Variants in STX18 observed in about 807,000 individuals in gnomAD.
STX18 encodes the protein syntaxin 18.
STX18 carries 40 observed loss-of-function variants against 50.1 expected under a neutral mutation model. That is an observed-to-expected ratio of 0.80 (90% CI 0.62 to 1.04). The LOEUF (loss-of-function observed/expected upper bound fraction) is 1.04. Among genes scored for constraint, STX18 ranks in the 50% least tolerant of loss-of-function variants. The probability of loss-of-function intolerance (pLI) is 0.00; values close to 1 mark genes in which losing one functional copy is unlikely to be tolerated. For missense variants in STX18, 410 were observed against 415.8 expected (o/e 0.99, Z 0.12); for synonymous variants, 158 against 151.8 (o/e 1.04, Z -0.30).
At chr4:4,506,296 T>C (rs1296420984) in intron 1 of STX18, among the ~76,000 whole-genome samples, 1 of 152,242 alleles carries the variant, frequency 6.6e-6, no homozygotes, top group Admixed American at 6.5e-5. Flanking sequence ...ACAACACAAA[T>C]GTCCTTCAAC....
intron 5 of STX18, among the ~76,000 whole-genome samples, chr4:4,445,277 G>GCGCCTGTAATCCCAGCTACTC (rs1726330707): frequency 6.6e-6 from 1 of 151,948 alleles, no homozygotes; most frequent in Non-Finnish European, 1.5e-5. Context: ...ATGGTGGTGG[G>GCGCCTGTAATCCCAGCTACTC]CGCCTGTAAT....
At chr4:4,500,290 T>C (rs562875465) in intron 1 of STX18, among the ~76,000 whole-genome samples, 2 of 152,320 alleles carry the variant, frequency 1.3e-5, no homozygotes, top group Non-Finnish European at 2.9e-5. Context: ...TATCCATGGG[T>C]TCCACACCCA....
At chr4:4,485,687 G>A (rs1212758233) in intron 1 of STX18, among the ~76,000 whole-genome samples, 2 of 152,160 alleles carry the variant, frequency 1.3e-5, no homozygotes, top group Non-Finnish European at 2.9e-5. Context: ...CACGCTGGGT[G>A]GACGGCAGGC....
chr4:4,515,633 CA>C (rs752478091), intron 1 of STX18, among the ~76,000 whole-genome samples: 1 of 152,106 alleles, frequency 6.6e-6, no homozygotes. Context: ...AGACATCTGA[CA>C]AAAGAGAGAC....
chr4:4,459,237 A>T (rs1727249525), intron 3 of STX18, 135 bp downstream of exon 3: 1 of 664,742 alleles, frequency 1.5e-6, no homozygotes, highest in Non-Finnish European at 2.6e-6. Flanking sequence ...ATTGATCAAG[A>T]AAGAAAAGAT....
intron 1 of STX18, among the ~76,000 whole-genome samples, chr4:4,472,532 G>A (rs940086839): frequency 5.9e-5 from 9 of 152,148 alleles, no homozygotes; most frequent in African/African-American, 1.7e-4. Flanking sequence ...CAAGGTCTGC[G>A]GAACTTTCAT....
At chr4:4,487,724 G>A (rs1728760807) in intron 1 of STX18, among the ~76,000 whole-genome samples, 1 of 152,162 alleles carries the variant, frequency 6.6e-6, no homozygotes, top group African/African-American at 2.4e-5. Flanking sequence ...TTTGCTAAAT[G>A]TCAGAAAATA....
intron 7 of STX18, among the ~76,000 whole-genome samples, chr4:4,427,710 A>G (rs920225929): frequency 2.0e-5 from 3 of 152,188 alleles, no homozygotes; most frequent in Admixed American, 6.5e-5. Flanking sequence ...TTCCTCCCCA[A>G]TTTGAGGGCC....
At chr4:4,492,751 C>G (rs1577371635) in intron 1 of STX18, among the ~76,000 whole-genome samples, 1 of 152,130 alleles carries the variant, frequency 6.6e-6, no homozygotes, top group South Asian at 2.1e-4. Flanking sequence ...AGAAACCAGT[C>G]GAGGATGTCT....
chr4:4,456,332 G>C (rs943788213), intron 5 of STX18, among the ~76,000 whole-genome samples: 5 of 152,236 alleles, frequency 3.3e-5, no homozygotes, highest in African/African-American at 1.2e-4. Context: ...TCTTCTGAAA[G>C]AACATCCTAA....
intron 1 of STX18, among the ~76,000 whole-genome samples, chr4:4,501,015 CCAACA>C (rs1729430833): frequency 6.6e-6 from 1 of 151,962 alleles, no homozygotes; most frequent in Non-Finnish European, 1.5e-5. Context: ...CCAGCTGGGG[CCAACA>C]ACAGCAAGAC....
rs567657042 is a variant in STX18, at chr4:4,490,755, A to G, written c.169-19049T>C. ...TCACATTTAACCTTTATTTTAAATT[A>G]CAGCCAAAGTCTTTGTTTCAAATCC... On this transcript the variant is annotated intron_variant, in intron 1 of 10. Transcript: ENST00000306200. Among the ~76,000 whole-genome samples, 173 of 152,304 alleles carry G rather than the reference A, an allele frequency of 1.1e-3. No individual in the cohort carries two copies. The Middle Eastern group carries it at 0.014, about 12-fold the overall frequency.
chr4:4,459,653 T>C (rs1479146774), intron 2 of STX18, among the ~76,000 whole-genome samples, 166 bp from the exon 3 acceptor site: 1 of 152,072 alleles, frequency 6.6e-6, no homozygotes, highest in African/African-American at 2.4e-5. Flanking sequence ...ACCATCTAGA[T>C]AGATAGTAGA....
chr4:4,466,494 G>C (rs1233337146), intron 2 of STX18, among the ~76,000 whole-genome samples: 1 of 152,200 alleles, frequency 6.6e-6, no homozygotes, highest in African/African-American at 2.4e-5. Context: ...ACGATGATAA[G>C]GACTACACCT....
At chr4:4,454,028 C>A (rs1726919327) in intron 5 of STX18, among the ~76,000 whole-genome samples, 1 of 152,248 alleles carries the variant, frequency 6.6e-6, no homozygotes, top group Non-Finnish European at 1.5e-5. Context: ...AATCAGTGGT[C>A]TCATTTCGCT....
intron 5 of STX18, among the ~76,000 whole-genome samples, chr4:4,449,257 G>C (rs1387350814): frequency 6.9e-6 from 1 of 144,882 alleles, no homozygotes; most frequent in East Asian, 1.9e-4. Context: ...ATATTGCCCG[G>C]GTTGGTCTTA....
At chr4:4,524,754 T>G (rs1416852359) in intron 1 of STX18, among the ~76,000 whole-genome samples, 2 of 152,260 alleles carry the variant, frequency 1.3e-5, no homozygotes, top group East Asian at 3.8e-4. Context: ...TTCAGTGATA[T>G]AAATCAATAA....
At chr4:4,429,923 A>C (rs977880354) in intron 7 of STX18, among the ~76,000 whole-genome samples, 1 of 152,232 alleles carries the variant, frequency 6.6e-6, no homozygotes, top group African/African-American at 2.4e-5. Flanking sequence ...AGCCACATTC[A>C]TGTTTTAAAA....
intron 1 of STX18, among the ~76,000 whole-genome samples, chr4:4,474,233 C>A (rs1021437742): frequency 3.3e-5 from 5 of 152,180 alleles, no homozygotes; most frequent in Non-Finnish European, 7.4e-5. Context: ...AGCACCTGTT[C>A]CTTCATGATA....
Sources: gnomAD v4.1 joint callset for allele counts (sites outside exome capture counted in the v4.1 genomes callset) on GRCh38, gnomAD v4.1.1 for gene constraint, MANE v1.5 for transcripts, NCBI Gene and HGNC (gene_info 2026-07-23, HGNC 2026-07-21) for gene names.